Variants in FIG4 observed in about 807,000 individuals in gnomAD.
FIG4 encodes polyphosphoinositide phosphatase.
A neutral mutation model predicts 118.6 loss-of-function variants in FIG4; 112 were observed. That is an observed-to-expected ratio of 0.94 (90% confidence interval 0.81 to 1.11). The LOEUF (loss-of-function observed/expected upper bound fraction) is 1.11, where lower values mean the gene tolerates loss of function less well. Among genes scored for constraint, FIG4 ranks in the 50% least tolerant of loss-of-function variants. FIG4 has a pLI of 0.00. For missense variants in FIG4, 969 were observed against 1,111.7 expected (o/e 0.87, Z 1.83); for synonymous variants, 369 against 381.2 (o/e 0.97, Z 0.37).
At chr6:109,801,484 G>A (rs747352625) in intron 22 of FIG4, among the ~76,000 whole-genome samples, 15 of 152,130 alleles carry the variant, frequency 9.9e-5, no homozygotes, top group African/African-American at 2.2e-4. Context: ...GGAGGTGGAG[G>A]TTCCAGTGAG....
chr6:109,803,240 C>T (rs1201359307), intron 22 of FIG4, among the ~76,000 whole-genome samples: 1 of 152,028 alleles, frequency 6.6e-6, no homozygotes, highest in Non-Finnish European at 1.5e-5. Flanking sequence ...AGAGGCAGGG[C>T]GATAAACAAC....
intron 10 of FIG4, among the ~76,000 whole-genome samples, chr6:109,759,668 C>G (rs563847474): frequency 2.8e-4 from 43 of 152,306 alleles, no homozygotes; most frequent in Non-Finnish European, 4.0e-4. Flanking sequence ...ATGCCCCAGG[C>G]AAGGAGGCAG....
chr6:109,791,225 T>C, intron 19 of FIG4, 151 bp from the exon 20 acceptor site: 1 of 694,644 alleles, frequency 1.4e-6, no homozygotes, highest in Non-Finnish European at 2.5e-6. Context: ...AATATGAACC[T>C]TTTCCCTGTA....
intron 10 of FIG4, among the ~76,000 whole-genome samples, chr6:109,758,638 C>G (rs1436500628): frequency 1.3e-5 from 2 of 152,140 alleles, no homozygotes; most frequent in East Asian, 3.9e-4. Flanking sequence ...AGCTTCTGCA[C>G]AGTAAAAGAA....
intron 13 of FIG4, among the ~76,000 whole-genome samples, chr6:109,764,242 T>C (rs1285888028): frequency 6.6e-6 from 1 of 151,932 alleles, no homozygotes; most frequent in African/African-American, 2.4e-5. Context: ...ATCGAGACCA[T>C]CCTGGCTAAC....
chr6:109,727,322 C>A, intron 4 of FIG4, 57 bp downstream of exon 4: 1 of 1,424,646 alleles, frequency 7.0e-7, no homozygotes, highest in Non-Finnish European at 9.9e-7. Context: ...GCCCTGTTGC[C>A]CAGGCTGGAA....
Position 109,792,649 on chromosome 6 carries a change from T to C in FIG4, c.2444T>C (p.Phe815Ser), listed in dbSNP as rs375414729. The C allele has an allele frequency of 8.5e-5, 134 of 1,579,100 alleles. No individual in the cohort carries two copies. The highest frequency in any genetic ancestry group is 1.1e-4 in the Non-Finnish European group (132 of 1,148,488). Residue 815 changes from phenylalanine (F) to serine (S), a missense_variant, in exon 21 of 23, where the codon TTC (phenylalanine) becomes TCC (serine). By Grantham distance (155) the Phe-to-Ser change is radical. Transcript: ENST00000230124. Reference protein sequence around the residue: ...NLSDGLSEEDFSIYSRFVQLG... With the variant: ...NLSDGLSEEDSSIYSRFVQLG... ...TCAGATGGCCTCTCAGAAGAAGATT[T>C]CTCCATTTATTCAAGGTGAGATACT...
intron 20 of FIG4, 50 bp downstream of exon 20, chr6:109,791,621 A>G (rs2128397326): frequency 1.3e-6 from 2 of 1,549,970 alleles, no homozygotes; most frequent in South Asian, 2.2e-5. Flanking sequence ...CTGGAAAATG[A>G]TCTTTACAAC....
chr6:109,789,517 G>T, intron 18 of FIG4, 77 bp from the exon 19 acceptor site: 1 of 1,020,968 alleles, frequency 9.8e-7, no homozygotes, highest in Non-Finnish European at 1.6e-6. Flanking sequence ...TATTGTAAGA[G>T]TGTGAACTGA....
At chr6:109,762,720 A>G (rs982769401) in intron 12 of FIG4, among the ~76,000 whole-genome samples, 2 of 151,934 alleles carry the variant, frequency 1.3e-5, no homozygotes, top group African/African-American at 4.8e-5. Context: ...AATAAAAAAG[A>G]ACTAACTACT....
intron 1 of FIG4, among the ~76,000 whole-genome samples, chr6:109,709,523 A>G (rs556713812): frequency 6.6e-6 from 1 of 152,360 alleles, no homozygotes; most frequent in African/African-American, 2.4e-5. Context: ...TTTAATAGGA[A>G]TAGCATCGAA....
At chr6:109,727,389 A>G (rs142893576) in intron 4 of FIG4, 124 bp downstream of exon 4, 21 of 766,394 alleles carry the variant, frequency 2.7e-5, no homozygotes, top group Admixed American at 1.7e-4. Context: ...CCCAGGCTCA[A>G]GTACTTTTTT....
chr6:109,756,754 A>T (rs1017094399), intron 10 of FIG4, among the ~76,000 whole-genome samples: 2 of 152,104 alleles, frequency 1.3e-5, no homozygotes, highest in African/African-American at 4.8e-5. Flanking sequence ...TGCATTCTTG[A>T]CGTAGTTCTC....
chr6:109,723,267 GT>G (rs1044921757), intron 3 of FIG4, among the ~76,000 whole-genome samples: 1 of 152,096 alleles, frequency 6.6e-6, no homozygotes, highest in African/African-American at 2.4e-5. Flanking sequence ...AAGAAAGTTA[GT>G]TTTAACTCCC....
chr6:109,777,025 C>T lies in FIG4; in HGVS notation c.1854C>T (p.His618=), dbSNP rs1239241328. The change falls in exon 16 of 23, where the codon CAC becomes CAT. Residue 618 remains histidine (H), a synonymous_variant. Transcript: ENST00000230124. ...TCCCAACAGATTTTTATTTGCATCA[C>T]AAAAATACCATGAGACTTTTGCCAA... ...WELPTDFYLH[H]KNTMRLLPTR... is the part of the protein sequence containing the mutation. The T allele has an allele frequency of 6.2e-7, 1 of 1,613,706 alleles. No individual in the cohort carries two copies. The highest frequency in any genetic ancestry group is 1.1e-5 in the South Asian group (1 of 91,068).
chr6:109,700,255 T>G (rs1468264839), intron 1 of FIG4, among the ~76,000 whole-genome samples: 1 of 152,186 alleles, frequency 6.6e-6, no homozygotes, highest in Non-Finnish European at 1.5e-5. Context: ...AATGTAAATT[T>G]AAAAGTAGTC....
At chr6:109,724,880 T>C (rs937661681) in intron 3 of FIG4, among the ~76,000 whole-genome samples, 1 of 151,370 alleles carries the variant, frequency 6.6e-6, no homozygotes, top group Non-Finnish European at 1.5e-5. Flanking sequence ...GAATTTACCG[T>C]CACAATCATT....
At chr6:109,750,618 G>A (rs1776660908) in intron 10 of FIG4, among the ~76,000 whole-genome samples, 1 of 152,134 alleles carries the variant, frequency 6.6e-6, no homozygotes, top group South Asian at 2.1e-4. Context: ...GGGCGACAGA[G>A]TGAGACCCTG....
At chr6:109,801,435 C>G (rs1029211646) in intron 22 of FIG4, among the ~76,000 whole-genome samples, 2 of 152,130 alleles carry the variant, frequency 1.3e-5, no homozygotes, top group African/African-American at 4.8e-5. Flanking sequence ...ATAATCCCAG[C>G]TACTCGGGAG....
Sources: gnomAD v4.1 joint callset for allele counts (sites outside exome capture counted in the v4.1 genomes callset) on GRCh38, gnomAD v4.1.1 for gene constraint, MANE v1.5 for transcripts, NCBI Gene and HGNC (gene_info 2026-07-23, HGNC 2026-07-21) for gene names.